The following GAREM1 variants were observed in gnomAD, a reference collection of about 807,000 sequenced individuals.
The protein encoded by GAREM1 is GRB2-associated and regulator of MAPK protein 1.
Under a neutral mutation model 71.3 loss-of-function variants are expected in GAREM1, and 26 were observed. The observed-to-expected ratio is 0.36, with a 90% CI of 0.27 to 0.51. GAREM1 has a LOEUF of 0.51. Ranked by LOEUF, GAREM1 falls within the 20% of genes least tolerant of loss-of-function variation. GAREM1 has a pLI of 0.95. For missense variants in GAREM1, 1,026 were observed against 1,103.1 expected, an observed-to-expected ratio of 0.93 and a Z score of 0.99; for synonymous variants, 440 against 433.2, an observed-to-expected ratio of 1.02 and a Z score of -0.20.
At chr18:32,396,491 G>A (rs956608071) in intron 1 of GAREM1, among the ~76,000 whole-genome samples, 3 of 152,150 alleles carry the variant, frequency 2.0e-5, no homozygotes, top group Non-Finnish European at 4.4e-5. Flanking sequence ...ACCATGGCAC[G>A]AGAACTACGT....
chr18:32,447,276 T>C (rs904532805), intron 1 of GAREM1, among the ~76,000 whole-genome samples: 5 of 152,226 alleles, frequency 3.3e-5, no homozygotes, highest in South Asian at 2.1e-4. Context: ...ATTTTTCTGG[T>C]TGGAATTTAA....
intron 1 of GAREM1, among the ~76,000 whole-genome samples, chr18:32,466,837 G>A (rs932681036): frequency 1.3e-5 from 2 of 152,156 alleles, no homozygotes; most frequent in African/African-American, 4.8e-5. Flanking sequence ...CAGCTGATGA[G>A]ATACATCTCA....
intron 2 of GAREM1, among the ~76,000 whole-genome samples, chr18:32,319,947 C>T (rs1567963186): frequency 6.6e-6 from 1 of 152,176 alleles, no homozygotes; most frequent in Non-Finnish European, 1.5e-5. Context: ...TCTTTTGCAG[C>T]CCCAGTGATG....
rs577980987 is a variant in GAREM1, at chr18:32,386,731, T to C, written c.262+6164A>G. Among the ~76,000 whole-genome samples, 10 of 152,330 alleles carry C rather than the reference T, an allele frequency of 6.6e-5. 1 individual carries two copies. In the East Asian group the frequency reaches 9.7e-4, roughly 15 times the overall value. On this transcript the variant is annotated intron_variant, in intron 2 of 5. Transcript: ENST00000269209. ...CGCAAATTGGCAGACCACTGATATA[T>C]AGACACTTCATGTTCTGATCCATTT...
At chr18:32,356,679 C>A (rs932682185) in intron 2 of GAREM1, among the ~76,000 whole-genome samples, 55 of 152,272 alleles carry the variant, frequency 3.6e-4, no homozygotes, top group African/African-American at 1.3e-3. Flanking sequence ...GGTATTATCA[C>A]ACCAATTTTA....
intron 2 of GAREM1, among the ~76,000 whole-genome samples, chr18:32,384,026 ATATCTCTCATAAAGCTCT>A (rs2144645915): frequency 6.6e-6 from 1 of 152,280 alleles, no homozygotes; most frequent in South Asian, 2.1e-4. Flanking sequence ...CTCCCTTTCC[ATATCTCTCATAAAGCTCT>A]TATTTTAAGA....
At chr18:32,325,695 C>T (rs547398748) in intron 2 of GAREM1, among the ~76,000 whole-genome samples, 26 of 152,154 alleles carry the variant, frequency 1.7e-4, no homozygotes, top group Non-Finnish European at 2.4e-4. Context: ...CACTGATGAT[C>T]GTTTTGCTCC....
At position 32,364,027 on chromosome 18, in the gene GAREM1, TG is replaced by T. The variant is rs1223594290; in HGVS notation, c.262+28867del. ...ATATATATATATATATATATATATA[TG>T]TTTTTTTTTTTTTTTTTTTTTTGTG... On this transcript the variant is annotated intron_variant, in intron 2 of 5. Coordinates refer to ENST00000269209, the MANE Select transcript of GAREM1 (RefSeq NM_001242409.2). Among the ~76,000 whole-genome samples, 10 of 66,504 alleles carry T rather than the reference TG, an allele frequency of 1.5e-4. 1 individual carries two copies. The highest frequency in any genetic ancestry group is 4.1e-4 in the East Asian group (1 of 2,464). 43.6% of individuals were successfully genotyped at this position (66,504 alleles called of 152,430 possible).
At chr18:32,345,203 G>C (rs1041876297) in intron 2 of GAREM1, among the ~76,000 whole-genome samples, 1 of 152,134 alleles carries the variant, frequency 6.6e-6, no homozygotes, top group African/African-American at 2.4e-5. Flanking sequence ...TTCTCCAAAG[G>C]ATAGACTAAT....
chr18:32,366,661 C>T (rs2047931154), intron 2 of GAREM1, among the ~76,000 whole-genome samples: 1 of 152,186 alleles, frequency 6.6e-6, no homozygotes, highest in Non-Finnish European at 1.5e-5. Flanking sequence ...ATGATCACAT[C>T]ATAATATATC....
rs139929302 is a variant in GAREM1 at position 32,401,477 on chromosome 18, A to T, written c.122-8442T>A. ...AAAAAAAAAGAAATGTAGAGCAGAGATCGAGACTTCAGCAGAGGAGATCAA... is the reference window on the plus strand; with the variant it reads ...AAAAAAAAAGAAATGTAGAGCAGAGTTCGAGACTTCAGCAGAGGAGATCAA... On this transcript the variant is annotated intron_variant, in intron 1 of 5. Coordinates refer to ENST00000269209, the MANE Select transcript of GAREM1 (RefSeq NM_001242409.2). Among the ~76,000 whole-genome samples, 42 of 152,296 alleles carry T rather than the reference A, an allele frequency of 2.8e-4. No homozygotes were observed. The East Asian group carries it at 7.9e-3, about 29-fold the overall frequency.
intron 2 of GAREM1, among the ~76,000 whole-genome samples, chr18:32,368,313 C>T: frequency 6.6e-6 from 1 of 152,042 alleles, no homozygotes; most frequent in Non-Finnish European, 1.5e-5. Context: ...TGGGAAATTT[C>T]CTATGTTTTA....
intron 2 of GAREM1, among the ~76,000 whole-genome samples, chr18:32,353,195 C>G (rs2047769365): frequency 6.6e-6 from 1 of 152,158 alleles, no homozygotes; most frequent in African/African-American, 2.4e-5. Context: ...AAGAAATGTA[C>G]AAAAGTTCTA....
intron 1 of GAREM1, 145 bp from the exon 2 acceptor site, chr18:32,393,180 G>GTTT (rs10708225): frequency 8.4e-5 from 38 of 451,910 alleles, no homozygotes; most frequent in South Asian, 1.3e-4. Context: ...CCTCTGAATT[G>GTTT]TTTTTTTTTT....
intron 1 of GAREM1, among the ~76,000 whole-genome samples, chr18:32,410,499 C>T (rs543585290): frequency 1.3e-5 from 2 of 152,180 alleles, no homozygotes; most frequent in South Asian, 2.1e-4. Flanking sequence ...AGGTATGCAC[C>T]GCCACACTGG....
At chr18:32,383,048 T>C (rs1216663927) in intron 2 of GAREM1, among the ~76,000 whole-genome samples, 1 of 152,190 alleles carries the variant, frequency 6.6e-6, no homozygotes, top group Non-Finnish European at 1.5e-5. Flanking sequence ...CCTACAATGA[T>C]TTTTAACATC....
At chr18:32,332,776 T>G (rs2047550418) in intron 2 of GAREM1, among the ~76,000 whole-genome samples, 2 of 152,144 alleles carry the variant, frequency 1.3e-5, no homozygotes, top group African/African-American at 4.8e-5. Context: ...GCTTGGCACT[T>G]GAGGCTTCAG....
chr18:32,346,351 CATAAA>C (rs1466796196), intron 2 of GAREM1, among the ~76,000 whole-genome samples: 28 of 152,122 alleles, frequency 1.8e-4, no homozygotes, highest in African/African-American at 6.5e-4. Context: ...GATACTCTCA[CATAAA>C]ATAAAATTAT....
intron 1 of GAREM1, among the ~76,000 whole-genome samples, chr18:32,406,953 G>A (rs1041569765): frequency 6.6e-6 from 1 of 152,186 alleles, no homozygotes; most frequent in Non-Finnish European, 1.5e-5. Context: ...TTGCAGAAAA[G>A]ACAGTTTCTG....
Sources: allele counts gnomAD v4.1 joint callset (sites outside exome capture counted in the v4.1 genomes callset), GRCh38; gene constraint gnomAD v4.1.1; transcripts MANE v1.5; gene names NCBI Gene and HGNC (gene_info 2026-07-23, HGNC 2026-07-21).